The following RBFOX3 variants were observed in gnomAD, a reference collection of about 807,000 sequenced individuals.
RBFOX3 encodes RNA binding protein fox-1 homolog 3.
Under a neutral mutation model 48.7 loss-of-function variants are expected in RBFOX3, and 17 were observed. The ratio of observed to expected loss-of-function variants is 0.35; its 90% CI spans 0.24 to 0.52. RBFOX3 has a LOEUF of 0.52. Among genes scored for constraint, RBFOX3 ranks in the 20% least tolerant of loss-of-function variants. RBFOX3 has a pLI of 0.94. For missense variants in RBFOX3, 382 were observed against 497.5 expected (o/e 0.77, Z 2.21); for synonymous variants, 212 against 209.5 (o/e 1.01, Z -0.10).
At chr17:79,139,797 G>A (rs895534823) in intron 4 of RBFOX3, among the ~76,000 whole-genome samples, 4 of 152,210 alleles carry the variant, frequency 2.6e-5, no homozygotes, top group African/African-American at 4.8e-5. Flanking sequence ...GGCAGGATGA[G>A]CATCTCTGCA....
chr17:79,608,191 C>T (rs1364361350), intron 1 of RBFOX3, among the ~76,000 whole-genome samples: 1 of 152,226 alleles, frequency 6.6e-6, no homozygotes, highest in Non-Finnish European at 1.5e-5. Flanking sequence ...AGGCAGGGGC[C>T]GCCCATGCCG....
chr17:79,296,305 C>CACA (rs1056663675), intron 3 of RBFOX3, among the ~76,000 whole-genome samples: 1,594 of 130,482 alleles, frequency 0.012, 27 homozygotes, highest in African/African-American at 0.039. Flanking sequence ...CACACACACA[C>CACA]CACACACACA....
chr17:79,577,322 G>T (rs1251757016), intron 1 of RBFOX3, among the ~76,000 whole-genome samples: 1 of 152,196 alleles, frequency 6.6e-6, no homozygotes, highest in African/African-American at 2.4e-5. Flanking sequence ...CAGGCACCAT[G>T]AACGGGGCAA....
At chr17:79,437,410 C>T (rs35393738) in intron 2 of RBFOX3, among the ~76,000 whole-genome samples, 10 of 152,316 alleles carry the variant, frequency 6.6e-5, no homozygotes, top group Middle Eastern at 3.4e-3. Context: ...CAGGGAGGTG[C>T]GGGAAAGCCC....
intron 4 of RBFOX3, among the ~76,000 whole-genome samples, chr17:79,189,355 G>A (rs1319747365): frequency 6.6e-6 from 1 of 152,208 alleles, no homozygotes; most frequent in Non-Finnish European, 1.5e-5. Flanking sequence ...CTTGGAACTT[G>A]GATTTATGGG....
intron 1 of RBFOX3, among the ~76,000 whole-genome samples, chr17:79,520,074 G>A (rs895081435): frequency 5.0e-4 from 76 of 152,310 alleles, no homozygotes; most frequent in Admixed American, 1.1e-3. Context: ...CTGTGCAGTC[G>A]AGGACACCGA....
In RBFOX3 at chr17:79,471,696, C is replaced by T. The variant is rs1303908816; in HGVS notation, c.-175+10758G>A. ...TTTTATAACAAGAAAGGACTCTGAA[C>T]GTTGTCAGGTGAGTAGCACTGCCTG... On this transcript the variant is annotated intron_variant, in intron 2 of 14. Transcript: ENST00000693108. The surrounding 1 kb of genome is among the most constrained non-coding windows in gnomAD (Gnocchi z 4.0). Among the ~76,000 whole-genome samples, 1 of 152,162 alleles carries T rather than the reference C, an allele frequency of 6.6e-6. No homozygotes were observed. Among genetic ancestry groups the T allele is most frequent in the Non-Finnish European group, 1.5e-5 (1 of 68,036 alleles).
At chr17:79,277,716 G>A (rs1456071478) in intron 3 of RBFOX3, among the ~76,000 whole-genome samples, 5 of 152,210 alleles carry the variant, frequency 3.3e-5, no homozygotes, top group African/African-American at 1.2e-4. Flanking sequence ...AGGCTTGGAA[G>A]GAGGGTTGGC....
In RBFOX3 at chr17:79,212,984, A is replaced by C. The variant is rs551362505; in HGVS notation, c.-34+22782T>G. 2.0e-5 allele frequency among the ~76,000 whole-genome samples: 2 copies of C among 100,062 alleles called. No individual in the cohort carries two copies. The highest frequency in any genetic ancestry group is 9.4e-5 in the Admixed American group (1 of 10,616). The allele number at this position is 100,062 out of a possible 152,430, so 65.6% of individuals were successfully genotyped here. ...ATTCTCCTGCCTCAGCCTCCTGAGT[A>C]GCTGGGATTACAGGCATGCGCCTGT... On this transcript the variant is annotated intron_variant, in intron 4 of 14. Coordinates refer to ENST00000693108, the MANE Select transcript of RBFOX3 (RefSeq NM_001350451.2). The surrounding 1 kb of genome is among the most constrained non-coding windows in gnomAD (Gnocchi z 4.7).
In RBFOX3 at chr17:79,299,087, G is replaced by C. The variant is rs146460782; in HGVS notation, c.-74+8637C>G. On this transcript the variant is annotated intron_variant, in intron 3 of 14. Coordinates refer to ENST00000693108, the MANE Select transcript of RBFOX3 (RefSeq NM_001350451.2). The surrounding 1 kb of genome is among the most constrained non-coding windows in gnomAD (Gnocchi z 4.5). Reference sequence around the variant, plus strand: ...CCTGGCAGCAGATGCGGCTGGCCTCGGAAATACGGGAGGGACATGGGAAAT... The same window carrying C: ...CCTGGCAGCAGATGCGGCTGGCCTCCGAAATACGGGAGGGACATGGGAAAT... Among the ~76,000 whole-genome samples the C allele has an allele frequency of 6.6e-6, 1 of 151,964 alleles. No homozygotes were observed. The highest frequency in any genetic ancestry group is 1.5e-5 in the Non-Finnish European group (1 of 67,996).
chr17:79,280,491 C>A lies in RBFOX3; in HGVS notation c.-74+27233G>T, dbSNP rs538618427. 7.9e-5 allele frequency among the ~76,000 whole-genome samples: 12 copies of A among 152,322 alleles called. No homozygotes were observed. The South Asian group carries it at 2.5e-3, about 32-fold the overall frequency. ...TGCCTTCCTGCGAGGCCTCCCACACCGGAGCTCAAGCTCTGTGGAGCTCCA... is the reference window on the plus strand; with the variant it reads ...TGCCTTCCTGCGAGGCCTCCCACACAGGAGCTCAAGCTCTGTGGAGCTCCA... On this transcript the variant is annotated intron_variant, in intron 3 of 14. Transcript: ENST00000693108.
chr17:79,174,698 GCA>G (rs934206140), intron 4 of RBFOX3, among the ~76,000 whole-genome samples: 29 of 150,580 alleles, frequency 1.9e-4, no homozygotes, highest in African/African-American at 5.6e-4. Flanking sequence ...ACATGCACTT[GCA>G]CACACACAGA....
chr17:79,379,547 T>A (rs960090976), intron 2 of RBFOX3, among the ~76,000 whole-genome samples: 3 of 152,164 alleles, frequency 2.0e-5, no homozygotes, highest in African/African-American at 7.2e-5. Context: ...CACTATCATT[T>A]TAACCAGAGA....
At chr17:79,145,188 C>T (rs926790869) in intron 4 of RBFOX3, among the ~76,000 whole-genome samples, 3 of 152,164 alleles carry the variant, frequency 2.0e-5, no homozygotes, top group East Asian at 1.9e-4. Flanking sequence ...GTCCCATCAT[C>T]GAGCTCAGCC....
intron 2 of RBFOX3, among the ~76,000 whole-genome samples, chr17:79,410,507 GC>G (rs2064162817): frequency 6.6e-6 from 1 of 152,192 alleles, no homozygotes; most frequent in South Asian, 2.1e-4. Flanking sequence ...AAGCAGATGA[GC>G]CTTTGAAACA....
At chr17:79,452,926 G>GCC (rs2073807121) in intron 2 of RBFOX3, among the ~76,000 whole-genome samples, 1 of 152,170 alleles carries the variant, frequency 6.6e-6, no homozygotes, top group Non-Finnish European at 1.5e-5. Flanking sequence ...CCCGCTCACG[G>GCC]CCCCCCGGCC....
intron 3 of RBFOX3, among the ~76,000 whole-genome samples, chr17:79,236,969 A>G (rs1375035242): frequency 6.6e-6 from 1 of 152,226 alleles, no homozygotes; most frequent in Non-Finnish European, 1.5e-5. Context: ...GGTAAAATAT[A>G]CATAATATAC....
chr17:79,306,479 C>T (rs1170974745), intron 3 of RBFOX3, among the ~76,000 whole-genome samples: 8 of 152,250 alleles, frequency 5.3e-5, no homozygotes, highest in African/African-American at 1.4e-4. Context: ...CGCCCCTCCC[C>T]TCCCTGCTTT....
At chr17:79,292,473 G>A (rs1015705000) in intron 3 of RBFOX3, among the ~76,000 whole-genome samples, 3 of 152,004 alleles carry the variant, frequency 2.0e-5, no homozygotes, top group African/African-American at 7.3e-5. Context: ...CCCGGCACAT[G>A]GAAGGTTCTC....
Sources: gnomAD v4.1 joint callset for allele counts (sites outside exome capture counted in the v4.1 genomes callset) on GRCh38, gnomAD v4.1.1 for gene constraint, Gnocchi (gnomAD v3.1) non-coding constraint, MANE v1.5 for transcripts, NCBI Gene and HGNC (gene_info 2026-07-23, HGNC 2026-07-21) for gene names.